Variants in XYLT1 observed in about 807,000 individuals in gnomAD.
XYLT1 encodes the protein xylosyltransferase 1.
A neutral mutation model predicts 91.3 loss-of-function variants in XYLT1; 36 were observed. The observed-to-expected ratio is 0.39, with a 90% CI of 0.30 to 0.52. The LOEUF (loss-of-function observed/expected upper bound fraction) is 0.52, where lower values mean the gene tolerates loss of function less well. Ranked by LOEUF, XYLT1 falls within the 20% of genes least tolerant of loss-of-function variation. The pLI, the probability that XYLT1 is intolerant of heterozygous loss-of-function variation, is 0.68. For synonymous variants in XYLT1, 588 were observed against 532.0 expected, an observed-to-expected ratio of 1.11 and a Z score of -1.45; for missense variants, 1,242 against 1,284.5, an observed-to-expected ratio of 0.97 and a Z score of 0.51.
chr16:17,279,567 T>C (rs1006878342), intron 2 of XYLT1, among the ~76,000 whole-genome samples: 1 of 152,078 alleles, frequency 6.6e-6, no homozygotes, highest in Non-Finnish European at 1.5e-5. Flanking sequence ...ACCTAGAAAA[T>C]TGGCTGACAA....
intron 1 of XYLT1, among the ~76,000 whole-genome samples, chr16:17,394,475 G>A (rs1288087406): frequency 1.3e-5 from 2 of 152,220 alleles, no homozygotes; most frequent in African/African-American, 4.8e-5. Context: ...GATTCCAATA[G>A]GGAGCATCTG....
chr16:17,234,127 G>A (rs1596438533), intron 3 of XYLT1, among the ~76,000 whole-genome samples: 5 of 152,084 alleles, frequency 3.3e-5, no homozygotes, highest in South Asian at 4.1e-4. Flanking sequence ...ACAGTGAGGC[G>A]GGTACTGCTG....
At chr16:17,366,603 G>C (rs535404533) in intron 1 of XYLT1, among the ~76,000 whole-genome samples, 149 of 152,286 alleles carry the variant, frequency 9.8e-4, no homozygotes, top group African/African-American at 2.6e-3. Flanking sequence ...GCTGAGGCAC[G>C]AGAACAGCTT....
intron 2 of XYLT1, among the ~76,000 whole-genome samples, chr16:17,319,553 A>G (rs2034685986): frequency 6.6e-6 from 1 of 151,348 alleles, no homozygotes; most frequent in Non-Finnish European, 1.5e-5. Context: ...AGCGATTCTC[A>G]TGACTCAGCC....
chr16:17,186,091 C>T (rs995513731), intron 5 of XYLT1, among the ~76,000 whole-genome samples: 1 of 152,058 alleles, frequency 6.6e-6, no homozygotes, highest in Admixed American at 6.6e-5. Context: ...TGGAACGGAA[C>T]TCTAGATTTC....
At position 17,317,629 on chromosome 16, in the gene XYLT1, CAAAAAAAAAAA is replaced by C. The variant is rs35666149; in HGVS notation, c.402+40372_402+40382del. On this transcript the variant is annotated intron_variant, in intron 2 of 11. Transcript: ENST00000261381. ...TGGGCCACGGTGGGAGACGCTGTCT[CAAAAAAAAAAA>C]AAAAAAAAAAAAAAAAAAGGCATCA... is the stretch of plus-strand genomic sequence containing the variant. Among the ~76,000 whole-genome samples, 8 of 57,992 alleles carry C rather than the reference CAAAAAAAAAAA, an allele frequency of 1.4e-4. No homozygotes were observed. In the East Asian group the frequency reaches 3.3e-3, roughly 24 times the overall value. The allele number at this position is 57,992 out of a possible 152,430, so 38.0% of individuals were successfully genotyped here. A position where few individuals can be genotyped will look rare whatever the true frequency, so the allele number is the denominator to read the frequency against.
chr16:17,335,080 C>G (rs1003187074), intron 2 of XYLT1, among the ~76,000 whole-genome samples: 19 of 151,864 alleles, frequency 1.3e-4, no homozygotes, highest in Admixed American at 2.6e-4. Flanking sequence ...CAAAAATCAG[C>G]CGGGCATGGT....
chr16:17,134,364 G>A (rs991077970), intron 9 of XYLT1, 109 bp downstream of exon 9: 3 of 1,402,780 alleles, frequency 2.1e-6, no homozygotes, highest in Non-Finnish European at 2.9e-6. Context: ...AAAGCATAGG[G>A]TGGCATTGCA....
rs186653270 is a variant in XYLT1 at position 17,196,796 on chromosome 16, C to T, written c.1289+1416G>A. Among the ~76,000 whole-genome samples, 11 of 152,002 alleles carry T rather than the reference C, an allele frequency of 7.2e-5. No homozygotes were observed. The East Asian group carries it at 7.8e-4, about 11-fold the overall frequency. ...CTCAAGAGAAAATAACAGCCTGGCA[C>T]GATGGCTCACACCTATAATCCCAGC... On this transcript the variant is annotated intron_variant, in intron 5 of 11. Transcript: ENST00000261381.
intron 2 of XYLT1, among the ~76,000 whole-genome samples, chr16:17,326,294 T>C (rs773520604): frequency 2.9e-4 from 44 of 152,326 alleles, no homozygotes; most frequent in Middle Eastern, 3.4e-3. Flanking sequence ...TTTATACCAA[T>C]TGGAAAATGC....
intron 4 of XYLT1, among the ~76,000 whole-genome samples, chr16:17,199,650 G>T (rs183390646): frequency 6.6e-6 from 1 of 152,298 alleles, no homozygotes; most frequent in East Asian, 1.9e-4. Flanking sequence ...TAAGTCTCAT[G>T]AGATCTGATG....
chr16:17,293,864 G>A (rs1028550526), intron 2 of XYLT1, among the ~76,000 whole-genome samples: 2 of 152,144 alleles, frequency 1.3e-5, no homozygotes, highest in African/African-American at 4.8e-5. Context: ...GCAGTTGCAG[G>A]CAAGAAACCC....
intron 5 of XYLT1, among the ~76,000 whole-genome samples, chr16:17,172,441 T>A (rs1161452955): frequency 6.6e-6 from 1 of 151,646 alleles, no homozygotes; most frequent in African/African-American, 2.4e-5. Flanking sequence ...AGCATCTTCC[T>A]ATGTGCCAAA....
At chr16:17,336,273 T>C (rs1216910666) in intron 2 of XYLT1, among the ~76,000 whole-genome samples, 1 of 152,230 alleles carries the variant, frequency 6.6e-6, no homozygotes, top group East Asian at 1.9e-4. Flanking sequence ...TTGTAACTCC[T>C]AGTTAACAAG....
At chr16:17,274,550 T>C (rs561442379) in intron 2 of XYLT1, among the ~76,000 whole-genome samples, 2 of 152,256 alleles carry the variant, frequency 1.3e-5, no homozygotes, top group South Asian at 4.2e-4. Context: ...AGTATGAATA[T>C]AAGTTATTTT....
At chr16:17,331,530 G>C (rs1458711690) in intron 2 of XYLT1, among the ~76,000 whole-genome samples, 1 of 152,176 alleles carries the variant, frequency 6.6e-6, no homozygotes, top group Non-Finnish European at 1.5e-5. Context: ...CACTCTTTCT[G>C]ATTTGGTTGC....
intron 2 of XYLT1, among the ~76,000 whole-genome samples, chr16:17,284,746 C>A (rs1311165049): frequency 6.6e-6 from 1 of 152,244 alleles, no homozygotes; most frequent in African/African-American, 2.4e-5. Flanking sequence ...TACACCACTA[C>A]ACTACAGCCT....
intron 5 of XYLT1, among the ~76,000 whole-genome samples, chr16:17,195,435 G>T (rs559982082): frequency 3.1e-3 from 466 of 150,966 alleles, no homozygotes; most frequent in Non-Finnish European, 5.3e-3. Flanking sequence ...CTTTTTTTTT[G>T]TTGTTTTTTG....
At chr16:17,414,201 CCTCA>C (rs1356140750) in intron 1 of XYLT1, among the ~76,000 whole-genome samples, 3 of 152,174 alleles carry the variant, frequency 2.0e-5, no homozygotes, top group South Asian at 4.1e-4. Flanking sequence ...AGGGCATTGA[CCTCA>C]CTGTGATGTC....
Sources: gnomAD v4.1 joint callset for allele counts (sites outside exome capture counted in the v4.1 genomes callset) on GRCh38, gnomAD v4.1.1 for gene constraint, MANE v1.5 for transcripts, NCBI Gene and HGNC (gene_info 2026-07-23, HGNC 2026-07-21) for gene names.